MGAT5: variants seen among roughly 807,000 people sequenced by gnomAD.
The protein encoded by MGAT5 is alpha-1,6-mannosylglycoprotein 6-beta-N-acetylglucosaminyltransferase A.
Under a neutral mutation model 94.3 loss-of-function variants are expected in MGAT5, and 30 were observed. The observed-to-expected ratio is 0.32, with a 90% CI of 0.24 to 0.43. The LOEUF is 0.43. Ranked by LOEUF, MGAT5 falls within the 20% of genes least tolerant of loss-of-function variation. The pLI is 1.00. For missense variants in MGAT5, 691 were observed against 905.5 expected, an observed-to-expected ratio of 0.76 and a Z score of 3.04; for synonymous variants, 310 against 322.9, an observed-to-expected ratio of 0.96 and a Z score of 0.43.
chr2:134,311,654 G>A (rs545283163), intron 2 of MGAT5, among the ~76,000 whole-genome samples: 12 of 152,272 alleles, frequency 7.9e-5, no homozygotes, highest in African/African-American at 2.9e-4. Flanking sequence ...GCAGAAGTGA[G>A]ATTAGCCCCT....
chr2:134,243,252 G>A (rs1682063870), intron 1 of MGAT5, among the ~76,000 whole-genome samples: 1 of 152,030 alleles, frequency 6.6e-6, no homozygotes, highest in South Asian at 2.1e-4. Context: ...TGTGATAGCT[G>A]GGCATCTCTA....
At chr2:134,272,960 C>T (rs1684118452) in intron 2 of MGAT5, among the ~76,000 whole-genome samples, 1 of 152,182 alleles carries the variant, frequency 6.6e-6, no homozygotes, top group East Asian at 1.9e-4. Context: ...TCAGTGTCTG[C>T]TCTCAGGCTA....
At chr2:134,241,709 T>G (rs1228292380) in intron 1 of MGAT5, among the ~76,000 whole-genome samples, 1 of 152,196 alleles carries the variant, frequency 6.6e-6, no homozygotes, top group African/African-American at 2.4e-5. Context: ...CTTTCTCATA[T>G]ATATGTAAAC....
rs117944351 is a variant in MGAT5 at position 134,303,712 on chromosome 2, C to T, written c.407-13817C>T. Among the ~76,000 whole-genome samples the T allele has an allele frequency of 2.3e-3, 351 of 152,226 alleles. 4 individuals carry two copies. Among genetic ancestry groups the T allele is most frequent in the East Asian group, 0.017 (88 of 5,172 alleles). On this transcript the variant is annotated intron_variant, in intron 2 of 15. Coordinates refer to ENST00000281923, the MANE Select transcript of MGAT5 (RefSeq NM_002410.5). ...CCTCACAAATGCTTAGTTTTAGGGTCGCTCAAGAAGTTTAAGGTAGTTTAT... is the reference window on the plus strand; with the variant it reads ...CCTCACAAATGCTTAGTTTTAGGGTTGCTCAAGAAGTTTAAGGTAGTTTAT...
At chr2:134,352,987 G>A (rs1032313807) in intron 9 of MGAT5, among the ~76,000 whole-genome samples, 1 of 152,184 alleles carries the variant, frequency 6.6e-6, no homozygotes, top group Non-Finnish European at 1.5e-5. Context: ...CACTCGTAAA[G>A]TATCTAAGGT....
intron 4 of MGAT5, among the ~76,000 whole-genome samples, chr2:134,327,576 A>C (rs771516036): frequency 1.8e-4 from 27 of 152,270 alleles, no homozygotes; most frequent in Admixed American, 9.2e-4. Context: ...TGGAGCAGGA[A>C]TCACAAGGTT....
At chr2:134,176,387 C>T (rs1225838382) in intron 1 of MGAT5, among the ~76,000 whole-genome samples, 4 of 152,020 alleles carry the variant, frequency 2.6e-5, no homozygotes, top group African/African-American at 4.8e-5. Context: ...GCCTGGCCAA[C>T]GTGGTGAAAC....
At chr2:134,207,576 TAA>T (rs200009308) in intron 1 of MGAT5, among the ~76,000 whole-genome samples, 29 of 142,378 alleles carry the variant, frequency 2.0e-4, no homozygotes, top group South Asian at 2.2e-4. Flanking sequence ...ACTGAAAGGT[TAA>T]AAAAAAAAAA....
intron 1 of MGAT5, among the ~76,000 whole-genome samples, chr2:134,246,542 TTAC>T (rs1416257940): frequency 6.6e-6 from 1 of 152,252 alleles, no homozygotes; most frequent in African/African-American, 2.4e-5. Context: ...TCTGTCTTTC[TTAC>T]ACCAGTAATC....
intron 1 of MGAT5, among the ~76,000 whole-genome samples, chr2:134,164,314 T>G (rs1687866985): frequency 6.6e-6 from 1 of 152,186 alleles, no homozygotes; most frequent in Non-Finnish European, 1.5e-5. Context: ...GTGAAGCAAT[T>G]CAGTGAGTGA....
rs116585738 is a variant in MGAT5 at position 134,204,148 on chromosome 2, T to C, written c.-142-50114T>C. The stretch of plus-strand genomic sequence containing the variant: ...TTTTCCCTCCTAATCTTCATTCTTA[T>C]TCATGCTAGCGCTCATTTCATGCAT... On this transcript the variant is annotated intron_variant, in intron 1 of 16. Coordinates refer to the MGAT5 transcript ENST00000409645. Among the ~76,000 whole-genome samples, 818 of 152,334 alleles carry C rather than the reference T, an allele frequency of 5.4e-3. 14 individuals are homozygous for C. Among genetic ancestry groups the C allele is most frequent in the African/African-American group, 0.018 (732 of 41,574 alleles).
intron 10 of MGAT5, among the ~76,000 whole-genome samples, chr2:134,364,808 T>C (rs1680322610): frequency 1.3e-5 from 2 of 152,248 alleles, no homozygotes; most frequent in South Asian, 4.1e-4. Flanking sequence ...TCAGGACATC[T>C]TCTCCAACTC....
At chr2:134,421,583 CA>C (rs70973454) in intron 12 of MGAT5, among the ~76,000 whole-genome samples, 11,305 of 140,288 alleles carry the variant, frequency 0.081, 531 homozygotes, top group East Asian at 0.17. Context: ...AACTCTGTTT[CA>C]AAAAAAAAAA....
chr2:134,123,651 C>T (rs2104872156), intron 1 of MGAT5, among the ~76,000 whole-genome samples: 1 of 152,204 alleles, frequency 6.6e-6, no homozygotes, highest in African/African-American at 2.4e-5. Flanking sequence ...GTGCTGTTAG[C>T]TTTGTCTCTG....
chr2:134,406,077 C>G (rs1683316934), intron 11 of MGAT5, among the ~76,000 whole-genome samples: 1 of 152,372 alleles, frequency 6.6e-6, no homozygotes, highest in South Asian at 2.1e-4. Flanking sequence ...CAAATCAGGA[C>G]TCACTAGGGT....
At chr2:134,121,990 A>G (rs1474180095) in intron 1 of MGAT5, among the ~76,000 whole-genome samples, 2 of 151,544 alleles carry the variant, frequency 1.3e-5, no homozygotes, top group Non-Finnish European at 2.9e-5. Context: ...ATGAATTTTC[A>G]CCCTCCTCCC....
chr2:134,401,581 A>G (rs1683055772), intron 10 of MGAT5, among the ~76,000 whole-genome samples: 1 of 152,226 alleles, frequency 6.6e-6, no homozygotes. Flanking sequence ...CACAAGAACC[A>G]TATCCTAGAA....
At chr2:134,352,498 G>A (rs1679451039) in intron 9 of MGAT5, among the ~76,000 whole-genome samples, 1 of 152,150 alleles carries the variant, frequency 6.6e-6, no homozygotes, top group Admixed American at 6.5e-5. Context: ...GGAAGAGTGT[G>A]TGTGGTCATG....
chr2:134,406,041 A>C (rs1436662622), intron 11 of MGAT5, among the ~76,000 whole-genome samples: 9 of 152,232 alleles, frequency 5.9e-5, no homozygotes, highest in Non-Finnish European at 1.3e-4. Context: ...CAGTCCAGCA[A>C]ACCCCAGGAG....
Sources: allele counts gnomAD v4.1 joint callset (sites outside exome capture counted in the v4.1 genomes callset), GRCh38; gene constraint gnomAD v4.1.1; transcripts MANE v1.5; gene names NCBI Gene and HGNC (gene_info 2026-07-23, HGNC 2026-07-21).